The following ZFR variants were observed in gnomAD, a reference collection of about 807,000 sequenced individuals.
ZFR encodes the protein zinc finger RNA binding protein.
A neutral mutation model predicts 130.7 loss-of-function variants in ZFR; 19 were observed. The ratio of observed to expected loss-of-function variants is 0.15; its 90% CI spans 0.10 to 0.21. The LOEUF is 0.21. Ranked by LOEUF, ZFR falls within the 10% of genes least tolerant of loss-of-function variation. The pLI is 1.00. For synonymous variants in ZFR, 466 were observed against 456.9 expected, an observed-to-expected ratio of 1.02 and a Z score of -0.25; for missense variants, 872 against 1,321.5, an observed-to-expected ratio of 0.66 and a Z score of 5.27.
intron 19 of ZFR, among the ~76,000 whole-genome samples, chr5:32,357,971 AC>A (rs1221079824): frequency 2.0e-5 from 3 of 152,192 alleles, no homozygotes; most frequent in Admixed American, 1.3e-4. Flanking sequence ...TGCCATAACT[AC>A]AGTTTAAATT....
At chr5:32,414,278 T>C (rs181470231) in intron 5 of ZFR, among the ~76,000 whole-genome samples, 1 of 151,972 alleles carries the variant, frequency 6.6e-6, no homozygotes, top group East Asian at 1.9e-4. Context: ...AATAAAAGAG[T>C]GTCATTCACA....
At chr5:32,388,873 CATGT>C (rs141990647) in intron 12 of ZFR, among the ~76,000 whole-genome samples, 199 bp from the exon 13 acceptor site, 2,541 of 152,264 alleles carry the variant, frequency 0.017, 37 homozygotes, top group Non-Finnish European at 0.026. Context: ...TGCATGCATG[CATGT>C]ACACCCACTT....
At chr5:32,442,995 T>A (rs1754507499) in intron 2 of ZFR, among the ~76,000 whole-genome samples, 1 of 151,690 alleles carries the variant, frequency 6.6e-6, no homozygotes, top group Non-Finnish European at 1.5e-5. Context: ...GCCCAGGAGT[T>A]CGAGATCAGC....
At chr5:32,404,763 G>A (rs774312416) in intron 6 of ZFR, among the ~76,000 whole-genome samples, 7 of 152,184 alleles carry the variant, frequency 4.6e-5, no homozygotes, top group Admixed American at 1.3e-4. Flanking sequence ...TAATTAATAC[G>A]AGAGGATATT....
chr5:32,439,085 A>G (rs1020714842), intron 2 of ZFR, among the ~76,000 whole-genome samples: 10 of 152,258 alleles, frequency 6.6e-5, no homozygotes, highest in African/African-American at 1.9e-4. Context: ...ACCCTACTCT[A>G]TTAAGACTAA....
At chr5:32,396,652 T>C (rs1170355831) in intron 10 of ZFR, among the ~76,000 whole-genome samples, 1 of 151,742 alleles carries the variant, frequency 6.6e-6, no homozygotes, top group East Asian at 1.9e-4. Flanking sequence ...ACAGGAGAAA[T>C]GCCTGAACAG....
At chr5:32,413,292 C>G (rs1288539240) in intron 5 of ZFR, among the ~76,000 whole-genome samples, 1 of 151,996 alleles carries the variant, frequency 6.6e-6, no homozygotes, top group African/African-American at 2.4e-5. Flanking sequence ...AGGTATATAT[C>G]TATACTTAGT....
chr5:32,431,058 C>T (rs1010276543), intron 2 of ZFR, among the ~76,000 whole-genome samples: 7 of 152,142 alleles, frequency 4.6e-5, no homozygotes, highest in Middle Eastern at 3.2e-3. Context: ...CTGGGCAACA[C>T]AGTGAGACCC....
chr5:32,373,610 T>C (rs1295168033), intron 17 of ZFR, among the ~76,000 whole-genome samples: 1 of 151,690 alleles, frequency 6.6e-6, no homozygotes, highest in Non-Finnish European at 1.5e-5. Flanking sequence ...GGAAAATAAA[T>C]ATAGAAAGGT....
chr5:32,398,806 C>T (rs1753376250), intron 9 of ZFR, among the ~76,000 whole-genome samples: 1 of 151,834 alleles, frequency 6.6e-6, no homozygotes. Context: ...GCCTCAGCGT[C>T]CCGAGTAGCT....
intron 2 of ZFR, among the ~76,000 whole-genome samples, chr5:32,433,870 CA>C (rs1163751177): frequency 6.6e-6 from 1 of 152,070 alleles, no homozygotes; most frequent in African/African-American, 2.4e-5. Context: ...CGCTTGAATC[CA>C]GGAGCTTGAG....
rs963009752 is a variant in ZFR, at chr5:32,418,031, C to T, written c.421-239G>A. ...ATCCCAGCACTTTGGGAGGCCAAGC[C>T]GGGCGGATCATGAGGTAAGCAGATA... On this transcript the variant is annotated intron_variant, in intron 3 of 19. Transcript: ENST00000265069. Among the ~76,000 whole-genome samples the T allele has an allele frequency of 5.9e-5, 9 of 152,088 alleles. 1 individual carries two copies. Among genetic ancestry groups the T allele is most frequent in the African/African-American group, 9.7e-5 (4 of 41,396 alleles).
At chr5:32,360,761 TTTTC>T (rs1188723435) in intron 19 of ZFR, among the ~76,000 whole-genome samples, 6 of 152,184 alleles carry the variant, frequency 3.9e-5, no homozygotes, top group African/African-American at 1.4e-4. Flanking sequence ...CCTGTTTCTC[TTTTC>T]CTTTTTTTAA....
chr5:32,378,240 T>C (rs1391053429), intron 17 of ZFR, among the ~76,000 whole-genome samples: 2 of 152,190 alleles, frequency 1.3e-5, no homozygotes, highest in African/African-American at 2.4e-5. Context: ...CAAAAGATTG[T>C]AAACCTAAAT....
intron 17 of ZFR, among the ~76,000 whole-genome samples, chr5:32,372,957 T>C (rs1233875923): frequency 6.6e-6 from 1 of 152,180 alleles, no homozygotes; most frequent in African/African-American, 2.4e-5. Flanking sequence ...TTAATAAAAA[T>C]TGAACATATA....
At chr5:32,406,431 AAGTT>A (rs1430033782) in intron 6 of ZFR, among the ~76,000 whole-genome samples, 3 of 152,232 alleles carry the variant, frequency 2.0e-5, no homozygotes, top group African/African-American at 7.2e-5. Flanking sequence ...TTTGGCAAGT[AAGTT>A]ACAGATGCTA....
intron 19 of ZFR, 72 bp downstream of exon 19, chr5:32,363,876 T>C: frequency 7.9e-7 from 1 of 1,271,056 alleles, no homozygotes; most frequent in Non-Finnish European, 1.1e-6. Flanking sequence ...TAATATTCCT[T>C]AAGACAATAA....
At chr5:32,370,104 T>C (rs1450823409) in intron 17 of ZFR, among the ~76,000 whole-genome samples, 2 of 150,122 alleles carry the variant, frequency 1.3e-5, no homozygotes, top group African/African-American at 4.9e-5. Flanking sequence ...TTTTTTTTTT[T>C]TTTTTTTGAG....
intron 19 of ZFR, among the ~76,000 whole-genome samples, chr5:32,362,233 T>G (rs1446582166): frequency 1.3e-5 from 2 of 152,196 alleles, no homozygotes; most frequent in Non-Finnish European, 2.9e-5. Context: ...TTTTGCCTGT[T>G]TATTAAAGGT....
Sources: gnomAD v4.1 joint callset for allele counts (sites outside exome capture counted in the v4.1 genomes callset) on GRCh38, gnomAD v4.1.1 for gene constraint, MANE v1.5 for transcripts, NCBI Gene and HGNC (gene_info 2026-07-23, HGNC 2026-07-21) for gene names.